The following CFLAR variants were observed in gnomAD, a reference collection of about 807,000 sequenced individuals.
CFLAR encodes the protein CASP8 and FADD like apoptosis regulator.
In CFLAR, 14 loss-of-function variants were observed where a neutral mutation model predicts 51.1. The ratio of observed to expected loss-of-function variants is 0.27; its 90% CI spans 0.18 to 0.43. CFLAR has a LOEUF of 0.43. Among genes scored for constraint, CFLAR ranks in the 20% least tolerant of loss-of-function variants. CFLAR has a pLI of 1.00. For synonymous variants in CFLAR, 210 were observed against 211.6 expected, an observed-to-expected ratio of 0.99 and a Z score of 0.06; for missense variants, 390 against 566.5, an observed-to-expected ratio of 0.69 and a Z score of 3.16.
chr2:201,160,528 C>T lies in CFLAR; in HGVS notation c.890C>T (p.Ala297Val). The change falls in exon 9 of 10, where the codon GCC becomes GTC. Residue 297 changes from alanine to valine, a missense_variant. Physicochemically the swap from Ala to Val is moderately conservative, Grantham distance 64. This residue lies in a region of CFLAR where 287 missense variants were observed against 363.6 expected (regional missense o/e 0.79). Coordinates refer to ENST00000309955, the MANE Select transcript of CFLAR (RefSeq NM_003879.7). ...ATATCCCAGATTCTTGGCCAATTTG[C>T]CTGTATGCCCGAGCACCGAGACTAC... The part of the protein sequence containing the change: ...HGISQILGQF[A>V]CMPEHRDYDS... 3 of 1,613,076 alleles carry T rather than the reference C, an allele frequency of 1.9e-6. No homozygotes were observed. Among genetic ancestry groups the T allele is most frequent in the Non-Finnish European group, 2.5e-6 (3 of 1,179,732 alleles).
At chr2:201,137,764 C>G in intron 4 of CFLAR, 2 of 960,378 alleles carry the variant, frequency 2.1e-6, no homozygotes, top group South Asian at 2.6e-5. Flanking sequence ...TTATCCCCGT[C>G]GTTGAAGTAT....
At position 201,175,323 on chromosome 2, in the gene CFLAR, AACAT is replaced by A. The variant is rs1398187960; in HGVS notation, c.*11354_*11357del. 2 of 152,218 alleles carry A rather than the reference AACAT, an allele frequency of 1.3e-5. No individual in the cohort carries two copies. Among genetic ancestry groups the A allele is most frequent in the Non-Finnish European group, 2.9e-5 (2 of 68,090 alleles). 9.4% of individuals were successfully genotyped at this position (152,218 alleles called of 1,614,324 possible). On this transcript the variant is annotated 3_prime_UTR_variant, in exon 10 of 10. Transcript: ENST00000309955. The stretch of plus-strand genomic sequence containing the variant: ...CCTTGGGGTACTTTTGCCTATAACA[AACAT>A]ACAAAGATAAGTTTGGCTGGGCGCA...
At chr2:201,140,722 C>T (rs1938514213) in intron 5 of CFLAR, 1 of 260,500 alleles carries the variant, frequency 3.8e-6, no homozygotes, top group Non-Finnish European at 7.2e-6. Context: ...CTTCTAGACT[C>T]TTTTTTATGT....
rs1172964517 is a variant in CFLAR at position 201,168,058 on chromosome 2, A to AAGG, written c.*4085_*4086insAGG. 1.3e-5 allele frequency: 2 copies of AAGG among 152,176 alleles called. No homozygotes were observed. Among genetic ancestry groups the AAGG allele is most frequent in the African/African-American group, 4.8e-5 (2 of 41,424 alleles). 9.4% of individuals were successfully genotyped at this position (152,176 alleles called of 1,614,324 possible). On this transcript the variant is annotated 3_prime_UTR_variant, in exon 10 of 10. Coordinates refer to ENST00000309955, the MANE Select transcript of CFLAR (RefSeq NM_003879.7). The stretch of plus-strand genomic sequence containing the variant: ...GGAGATCAAGACCATCCTGGCTAAC[A>AAGG]TGTAAAACCCCGTCTCTACTAAAAA...
At chr2:201,137,626 G>A (rs1169333511) in intron 4 of CFLAR, 1 of 756,874 alleles carries the variant, frequency 1.3e-6, no homozygotes, top group African/African-American at 1.7e-5. Flanking sequence ...ATGGACCGAA[G>A]GACAGACAGG....
rs1385467093 is a variant in CFLAR at position 201,165,240 on chromosome 2, GCTT to G, written c.*1268_*1270del. 8.7e-6 allele frequency: 1 copy of G among 115,022 alleles called. No homozygotes were observed. Among genetic ancestry groups the G allele is most frequent in the African/African-American group, 3.3e-5 (1 of 30,658 alleles). 7.1% of individuals were successfully genotyped at this position (115,022 alleles called of 1,614,324 possible). ...CATTGTTTGAAATATCATTAGAGTT[GCTT>G]ATTATTATTATTATTATTATTATTA... On this transcript the variant is annotated 3_prime_UTR_variant, in exon 10 of 10. Transcript: ENST00000309955.
In CFLAR at chr2:201,136,396, A is replaced by G. The variant is rs756355394; in HGVS notation, c.523+289A>G. 6 of 1,598,454 alleles carry G rather than the reference A, an allele frequency of 3.8e-6. No homozygotes were observed. In the South Asian group the frequency reaches 4.4e-5, roughly 12 times the overall value. ...GGGATCTGCACAGGCTGGCAGAGCTATGGACATTCAGGGGTTTTGCATGTA... is the reference window on the plus strand; with the variant it reads ...GGGATCTGCACAGGCTGGCAGAGCTGTGGACATTCAGGGGTTTTGCATGTA... On this transcript the variant is annotated intron_variant, in intron 4 of 9. Coordinates refer to ENST00000309955, the MANE Select transcript of CFLAR (RefSeq NM_003879.7).
chr2:201,149,897 T>C (rs2068559), intron 8 of CFLAR, 62 bp downstream of exon 8: 1 of 1,253,236 alleles, frequency 8.0e-7, no homozygotes, highest in East Asian at 2.3e-5. Flanking sequence ...ACAGGCAAGC[T>C]GTATTCATTG....
At position 201,138,257 on chromosome 2, in the gene CFLAR, T is replaced by C; in HGVS notation, c.524-2100T>C. 1.2e-6 allele frequency: 1 copy of C among 834,016 alleles called. No homozygotes were observed. 51.7% of individuals were successfully genotyped at this position (834,016 alleles called of 1,614,324 possible). On this transcript the variant is annotated intron_variant, in intron 4 of 9. Coordinates refer to ENST00000309955, the MANE Select transcript of CFLAR (RefSeq NM_003879.7). This position sits in a 1 kb window ranked among gnomAD's most constrained non-coding sequence, Gnocchi z 4.0. ...TTGGGACGAGTCCAAGCCTATGACA[T>C]TGACGCCTACCTGGGTGAGCAGGTC...
At chr2:201,149,873 A>C in intron 8 of CFLAR, 38 bp downstream of exon 8, 1 of 1,473,576 alleles carries the variant, frequency 6.8e-7, no homozygotes, top group East Asian at 2.3e-5. Context: ...GTGCCCCCAG[A>C]TTGAGATCAT....
chr2:201,144,576 A>G (rs1269885186), intron 5 of CFLAR, among the ~76,000 whole-genome samples: 1 of 152,240 alleles, frequency 6.6e-6, no homozygotes, highest in Non-Finnish European at 1.5e-5. Context: ...AGAAACACAC[A>G]TACAGAAGTT....
At position 201,165,024 on chromosome 2, in the gene CFLAR, C is replaced by T. The variant is rs1346661828; in HGVS notation, c.*1051C>T. ...ATCACCTAATTACCTCCCAAAGGCC[C>T]CACCTTCTGATACTGTCACTTTGGG... On this transcript the variant is annotated 3_prime_UTR_variant, in exon 10 of 10. Coordinates refer to ENST00000309955, the MANE Select transcript of CFLAR (RefSeq NM_003879.7). 1.3e-5 allele frequency: 2 copies of T among 152,036 alleles called. No individual in the cohort carries two copies. The highest frequency in any genetic ancestry group is 4.8e-5 in the African/African-American group (2 of 41,394). The allele number at this position is 152,036 out of a possible 1,614,324, so 9.4% of individuals were successfully genotyped here.
chr2:201,133,391 G>C (rs2049583336), intron 3 of CFLAR, among the ~76,000 whole-genome samples: 1 of 152,180 alleles, frequency 6.6e-6, no homozygotes, highest in African/African-American at 2.4e-5. Flanking sequence ...AAAATTCATA[G>C]GTCTGGCTCA....
At chr2:201,150,057 C>CG (rs976368818) in intron 8 of CFLAR, 8 of 328,730 alleles carry the variant, frequency 2.4e-5, no homozygotes, top group Middle Eastern at 8.9e-4. Context: ...GGTGTGGGCT[C>CG]GGGCACGGTG....
chr2:201,149,705 A>G, intron 7 of CFLAR, 49 bp from the exon 8 acceptor site: 1 of 1,451,652 alleles, frequency 6.9e-7, no homozygotes, highest in African/African-American at 1.4e-5. Context: ...GACCTTATAG[A>G]AACAGAGCAA....
rs774693068 is a variant in CFLAR, at chr2:201,138,984, C to T, written c.524-1373C>T. 5.5e-6 allele frequency: 3 copies of T among 549,622 alleles called. No homozygotes were observed. The highest frequency in any genetic ancestry group is 4.6e-5 in the East Asian group (1 of 21,558). 34.0% of individuals were successfully genotyped at this position (549,622 alleles called of 1,614,324 possible). On this transcript the variant is annotated intron_variant, in intron 4 of 9. Transcript: ENST00000309955. The surrounding 1 kb of genome is among the most constrained non-coding windows in gnomAD (Gnocchi z 4.0). ...TTGTAGGTGAGTCCCTGGTCACTGG[C>T]GAAGAGCTGCTGCACGGTGTGGGGA...
At chr2:201,145,642 CA>C (rs1939984420) in intron 6 of CFLAR, 1 of 495,508 alleles carries the variant, frequency 2.0e-6, no homozygotes, top group African/African-American at 1.9e-5. Context: ...CATCGTACTC[CA>C]TCAGCTTCAT....
rs1434246685 is a variant in CFLAR at position 201,169,124 on chromosome 2, A to G, written c.*5151A>G. The G allele has an allele frequency of 2.0e-5, 3 of 152,198 alleles. No individual in the cohort carries two copies. Among genetic ancestry groups the G allele is most frequent in the African/African-American group, 7.2e-5 (3 of 41,440 alleles). The allele number at this position is 152,198 out of a possible 1,614,324, so 9.4% of individuals were successfully genotyped here. ...AGAAAAAAACTACTTTAAAATTCAAATGGAACCAAAAAAGAGCCCGTATAA... is the reference window on the plus strand; with the variant it reads ...AGAAAAAAACTACTTTAAAATTCAAGTGGAACCAAAAAAGAGCCCGTATAA... On this transcript the variant is annotated 3_prime_UTR_variant, in exon 10 of 10. Coordinates refer to ENST00000309955, the MANE Select transcript of CFLAR (RefSeq NM_003879.7).
chr2:201,155,506 C>A (rs1305208348), intron 8 of CFLAR, among the ~76,000 whole-genome samples: 1 of 152,056 alleles, frequency 6.6e-6, no homozygotes, highest in Non-Finnish European at 1.5e-5. Context: ...TCAGGTGATC[C>A]GCCCGCCTCG....
Sources: gnomAD v4.1 joint callset for allele counts (sites outside exome capture counted in the v4.1 genomes callset) on GRCh38, gnomAD v4.1.1 for gene constraint, gnomAD v4.1.1 regional missense constraint, Gnocchi (gnomAD v3.1) non-coding constraint, MANE v1.5 for transcripts, NCBI Gene and HGNC (gene_info 2026-07-23, HGNC 2026-07-21) for gene names.